STX8: variants seen among roughly 807,000 people sequenced by gnomAD.
The protein encoded by STX8 is syntaxin 8.
STX8 carries 23 observed loss-of-function variants against 37.5 expected under a neutral mutation model. That is an observed-to-expected ratio of 0.61 (90% CI 0.44 to 0.87). STX8 has a LOEUF of 0.87. STX8 is among the 40% of genes least tolerant of loss of function. The probability of loss-of-function intolerance (pLI) is 0.00; values close to 1 mark genes in which losing one functional copy is unlikely to be tolerated. For missense variants in STX8, 313 were observed against 284.7 expected, an observed-to-expected ratio of 1.10 and a Z score of -0.71; for synonymous variants, 115 against 99.1, an observed-to-expected ratio of 1.16 and a Z score of -0.95.
chr17:9,402,597 G>A (rs1912661795), intron 6 of STX8, among the ~76,000 whole-genome samples: 1 of 152,138 alleles, frequency 6.6e-6, no homozygotes. Context: ...ACTTGAAAAT[G>A]TCCCAATTTT....
chr17:9,422,605 G>A (rs13342101), intron 6 of STX8, among the ~76,000 whole-genome samples: 14,540 of 152,256 alleles, frequency 0.095, 2,212 homozygotes, highest in African/African-American at 0.32. Flanking sequence ...AGGTTCATCC[G>A]TGTTGTTCCA....
At chr17:9,570,464 T>C (rs1907646420) in intron 1 of STX8, among the ~76,000 whole-genome samples, 1 of 152,012 alleles carries the variant, frequency 6.6e-6, no homozygotes, top group Non-Finnish European at 1.5e-5. Context: ...ATACATATAT[T>C]CATATATATC....
intron 6 of STX8, among the ~76,000 whole-genome samples, chr17:9,403,245 G>C (rs1912687933): frequency 6.6e-6 from 1 of 152,182 alleles, no homozygotes; most frequent in Non-Finnish European, 1.5e-5. Flanking sequence ...ACAGGTATGG[G>C]GGACTGGTGG....
At chr17:9,390,836 C>CAAAAAA (rs34205577) in intron 6 of STX8, among the ~76,000 whole-genome samples, 5 of 93,530 alleles carry the variant, frequency 5.3e-5, no homozygotes, top group African/African-American at 2.1e-4. Flanking sequence ...GACTCCGTCT[C>CAAAAAA]AAAAAAAAAA....
chr17:9,333,655 C>T (rs531019535), intron 7 of STX8, among the ~76,000 whole-genome samples: 16 of 152,344 alleles, frequency 1.1e-4, no homozygotes, highest in Admixed American at 3.9e-4. Context: ...TCCCAAAGTG[C>T]TCGGATTACA....
chr17:9,574,602 T>G (rs1907819875), intron 1 of STX8, among the ~76,000 whole-genome samples: 1 of 151,944 alleles, frequency 6.6e-6, no homozygotes, highest in Non-Finnish European at 1.5e-5. Context: ...TGGCACGATC[T>G]CAGCTCACCA....
intron 7 of STX8, among the ~76,000 whole-genome samples, chr17:9,333,198 C>T (rs146304096): frequency 3.3e-5 from 5 of 152,168 alleles, no homozygotes; most frequent in Admixed American, 6.5e-5. Context: ...ATCCCCTCAG[C>T]GAGGTAGTGA....
intron 7 of STX8, among the ~76,000 whole-genome samples, chr17:9,373,795 C>T (rs1466182488): frequency 1.3e-5 from 2 of 151,948 alleles, no homozygotes; most frequent in Non-Finnish European, 2.9e-5. Flanking sequence ...CAAAATTAGC[C>T]AGATGTGGTG....
intron 7 of STX8, among the ~76,000 whole-genome samples, chr17:9,347,697 A>G: frequency 6.6e-6 from 1 of 152,118 alleles, no homozygotes; most frequent in Non-Finnish European, 1.5e-5. Context: ...TTGTATTTTT[A>G]GTAGAAACTG....
intron 6 of STX8, among the ~76,000 whole-genome samples, chr17:9,404,766 C>T (rs946816147): frequency 5.3e-5 from 8 of 152,308 alleles, no homozygotes; most frequent in Middle Eastern, 3.4e-3. Context: ...CAAAAGCCAT[C>T]TTGAATCCCT....
In STX8 at chr17:9,559,754, A is replaced by ATT. The variant is rs1261471068; in HGVS notation, c.118-2227_118-2226insAA. On this transcript the variant is annotated intron_variant, in intron 2 of 7. Transcript: ENST00000306357. ...TTATTTTATATATATATATATATAT[A>ATT]TATATATTTTTTTTTTTTTTTTTTT... is the stretch of plus-strand genomic sequence containing the variant. 6.2e-3 allele frequency among the ~76,000 whole-genome samples: 209 copies of ATT among 33,518 alleles called. 2 individuals carry two copies. Among genetic ancestry groups the ATT allele is most frequent in the South Asian group, 0.04 (35 of 878 alleles). 22.0% of individuals were successfully genotyped at this position (33,518 alleles called of 152,430 possible). A position where few individuals can be genotyped will look rare whatever the true frequency, so the allele number is the denominator to read the frequency against.
rs1015211831 is a variant in STX8, at chr17:9,319,299, G to C, written c.643+59253C>G. Reference sequence around the variant, plus strand: ...CTGGGTGTGGTGGCGGGTGCCTGTAGTCCCAGCTACTCAGGAGGCTGAGGC... The same window carrying C: ...CTGGGTGTGGTGGCGGGTGCCTGTACTCCCAGCTACTCAGGAGGCTGAGGC... On this transcript the variant is annotated intron_variant, in intron 7 of 7. Coordinates refer to ENST00000306357, the MANE Select transcript of STX8 (RefSeq NM_004853.3). 2.2e-4 allele frequency among the ~76,000 whole-genome samples: 33 copies of C among 151,944 alleles called. 1 individual carries two copies. Among genetic ancestry groups the C allele is most frequent in the Non-Finnish European group, 5.9e-5 (4 of 67,964 alleles).
intron 7 of STX8, among the ~76,000 whole-genome samples, chr17:9,339,311 C>A (rs1308772083): frequency 6.6e-6 from 1 of 152,110 alleles, no homozygotes; most frequent in African/African-American, 2.4e-5. Context: ...TTCCAAAAAC[C>A]AACCAACCAA....
chr17:9,286,169 T>C (rs1466289729), intron 7 of STX8, among the ~76,000 whole-genome samples: 1 of 152,200 alleles, frequency 6.6e-6, no homozygotes, highest in East Asian at 1.9e-4. Flanking sequence ...GCTCTCTTGA[T>C]TTCAAACCCC....
Position 9,252,346 on chromosome 17 carries a change from A to C in STX8, c.644-1701T>G, listed in dbSNP as rs141452661. On this transcript the variant is annotated intron_variant, in intron 7 of 7. Coordinates refer to ENST00000306357, the MANE Select transcript of STX8 (RefSeq NM_004853.3). Reference sequence around the variant, plus strand: ...GTAGTCCCACCTACTTGGGAGGCTGAGGCAGGAGAATGGCGTGAACCCGGG... The same window carrying C: ...GTAGTCCCACCTACTTGGGAGGCTGCGGCAGGAGAATGGCGTGAACCCGGG... 8.9e-3 allele frequency among the ~76,000 whole-genome samples: 1,350 copies of C among 152,144 alleles called. 20 individuals are homozygous for C. The highest frequency in any genetic ancestry group is 0.03 in the African/African-American group (1,245 of 41,498).
At chr17:9,407,129 G>A (rs73259844) in intron 6 of STX8, among the ~76,000 whole-genome samples, 1,925 of 152,256 alleles carry the variant, frequency 0.013, 39 homozygotes, top group African/African-American at 0.044. Context: ...GCACTGCTTC[G>A]GCAATGAAGA....
chr17:9,381,877 G>A (rs924648563), intron 6 of STX8, among the ~76,000 whole-genome samples: 1 of 152,164 alleles, frequency 6.6e-6, no homozygotes, highest in East Asian at 1.9e-4. Flanking sequence ...GCTGAGGCAG[G>A]AGAATTGCTT....
chr17:9,540,605 T>C (rs1227499721), intron 4 of STX8: 1 of 152,234 alleles, frequency 6.6e-6, no homozygotes, highest in African/African-American at 2.4e-5. Flanking sequence ...AGTCGCCACA[T>C]TGGTTTCCCG....
At chr17:9,426,475 C>T (rs959832491) in intron 6 of STX8, among the ~76,000 whole-genome samples, 1 of 152,118 alleles carries the variant, frequency 6.6e-6, no homozygotes, top group Non-Finnish European at 1.5e-5. Flanking sequence ...TGCAGTGAGC[C>T]AAGATCGTGC....
Sources: allele counts gnomAD v4.1 joint callset (sites outside exome capture counted in the v4.1 genomes callset), GRCh38; gene constraint gnomAD v4.1.1; transcripts MANE v1.5; gene names NCBI Gene and HGNC (gene_info 2026-07-23, HGNC 2026-07-21).